DENND1A: variants seen among roughly 807,000 people sequenced by gnomAD.
DENND1A encodes DENN domain-containing protein 1A.
A neutral mutation model predicts 113.7 loss-of-function variants in DENND1A; 51 were observed. The observed-to-expected ratio is 0.45, with a 90% CI of 0.36 to 0.57. The LOEUF is 0.57. DENND1A is among the 20% of genes least tolerant of loss of function. The pLI, the probability that DENND1A is intolerant of heterozygous loss-of-function variation, is 0.00. For synonymous variants in DENND1A, 565 were observed against 570.8 expected (o/e 0.99, Z 0.14); for missense variants, 1,258 against 1,395.9 (o/e 0.90, Z 1.57).
intron 11 of DENND1A, among the ~76,000 whole-genome samples, chr9:123,600,058 G>GC (rs1245056184): frequency 6.6e-6 from 1 of 152,088 alleles, no homozygotes; most frequent in Non-Finnish European, 1.5e-5. Context: ...CAATGGCCCC[G>GC]CCCCTAATCA....
chr9:123,878,889 A>G, intron 2 of DENND1A, 62 bp downstream of exon 2: 4 of 1,521,492 alleles, frequency 2.6e-6, no homozygotes, highest in Non-Finnish European at 2.7e-6. Flanking sequence ...ATATTATCTC[A>G]CGTGCATAGC....
intron 13 of DENND1A, among the ~76,000 whole-genome samples, chr9:123,471,952 G>C (rs1476292796): frequency 6.6e-6 from 1 of 152,210 alleles, no homozygotes; most frequent in Non-Finnish European, 1.5e-5. Context: ...TGGGGATTCT[G>C]TACCGCCCAG....
At chr9:123,720,034 C>G (rs1472109719) in intron 5 of DENND1A, among the ~76,000 whole-genome samples, 1 of 152,218 alleles carries the variant, frequency 6.6e-6, no homozygotes, top group African/African-American at 2.4e-5. Flanking sequence ...GTACCGACCA[C>G]AAATCATAAA....
At chr9:123,738,774 G>A (rs79608160) in intron 5 of DENND1A, among the ~76,000 whole-genome samples, 107 of 152,298 alleles carry the variant, frequency 7.0e-4, no homozygotes, top group Non-Finnish European at 1.3e-3. Context: ...TCACTGGGTT[G>A]CCTGGGATTT....
At chr9:123,792,199 GTT>G (rs1564279560) in intron 3 of DENND1A, among the ~76,000 whole-genome samples, 1 of 152,110 alleles carries the variant, frequency 6.6e-6, no homozygotes, top group Admixed American at 6.5e-5. Flanking sequence ...TCCAGGAAAT[GTT>G]ATAAACTTCC....
At chr9:123,903,329 C>A (rs1405982059) in intron 1 of DENND1A, among the ~76,000 whole-genome samples, 2 of 54,520 alleles carry the variant, frequency 3.7e-5, no homozygotes, top group African/African-American at 1.9e-4. Flanking sequence ...GAGACTCCGT[C>A]TCAAAAAAAA....
intron 5 of DENND1A, among the ~76,000 whole-genome samples, chr9:123,745,667 C>T (rs1455229812): frequency 2.6e-5 from 4 of 152,232 alleles, no homozygotes; most frequent in African/African-American, 9.6e-5. Flanking sequence ...AGTCTATGTG[C>T]ACCAGTATAG....
intron 12 of DENND1A, among the ~76,000 whole-genome samples, chr9:123,577,507 C>T (rs751774128): frequency 3.2e-4 from 48 of 152,188 alleles, no homozygotes; most frequent in Admixed American, 5.2e-4. Flanking sequence ...ACATTTTCCT[C>T]ATTCTCAACA....
intron 10 of DENND1A, among the ~76,000 whole-genome samples, chr9:123,629,270 C>T (rs2061374348): frequency 6.6e-6 from 1 of 152,232 alleles, no homozygotes; most frequent in Non-Finnish European, 1.5e-5. Flanking sequence ...TCCTGAAGCT[C>T]TCAATATCCG....
intron 13 of DENND1A, among the ~76,000 whole-genome samples, chr9:123,465,545 A>C (rs1472495273): frequency 6.6e-6 from 1 of 152,182 alleles, no homozygotes; most frequent in East Asian, 1.9e-4. Flanking sequence ...GGTTGCTTTG[A>C]AGAGTAAAAC....
intron 1 of DENND1A, among the ~76,000 whole-genome samples, chr9:123,909,506 ACT>A (rs1400106699): frequency 1.3e-5 from 2 of 152,062 alleles, no homozygotes; most frequent in Non-Finnish European, 2.9e-5. Context: ...CATGACAAAA[ACT>A]CTCAGCAACG....
chr9:123,729,182 T>C (rs993012251), intron 5 of DENND1A, among the ~76,000 whole-genome samples: 2 of 152,168 alleles, frequency 1.3e-5, no homozygotes, highest in African/African-American at 2.4e-5. Context: ...ACTGGAAGCA[T>C]TCCCTTTGAA....
At chr9:123,897,570 G>A (rs7031453) in intron 1 of DENND1A, among the ~76,000 whole-genome samples, 5,794 of 152,208 alleles carry the variant, frequency 0.038, 115 homozygotes, top group Middle Eastern at 0.048. Flanking sequence ...TTAAATAAAG[G>A]GAGCCGCAGG....
At chr9:123,843,288 T>G (rs532467604) in intron 2 of DENND1A, 1 of 427,442 alleles carries the variant, frequency 2.3e-6, no homozygotes, top group Non-Finnish European at 4.7e-6. Flanking sequence ...AAATGCTGTA[T>G]CTACCTTCTT....
At chr9:123,821,427 A>G (rs1838443675) in intron 2 of DENND1A, among the ~76,000 whole-genome samples, 1 of 152,234 alleles carries the variant, frequency 6.6e-6, no homozygotes, top group South Asian at 2.1e-4. Context: ...TGTTCTAAGA[A>G]TACGACAGCA....
chr9:123,926,577 A>C (rs1857137679), intron 1 of DENND1A, among the ~76,000 whole-genome samples: 1 of 151,476 alleles, frequency 6.6e-6, no homozygotes. Context: ...CAAAAAAAAA[A>C]AAAAAAAAAA....
At chr9:123,498,627 C>T (rs1482348633) in intron 13 of DENND1A, among the ~76,000 whole-genome samples, 1 of 152,142 alleles carries the variant, frequency 6.6e-6, no homozygotes, top group Non-Finnish European at 1.5e-5. Flanking sequence ...AGAAGGGGCA[C>T]AGTAAAGATG....
chr9:123,707,376 A>G (rs1337833752), intron 5 of DENND1A, among the ~76,000 whole-genome samples: 3 of 151,902 alleles, frequency 2.0e-5, no homozygotes, highest in East Asian at 3.9e-4. Context: ...CCTGGGGAAC[A>G]AGAGCGTTAA....
chr9:123,736,198 ATG>A (rs1386777961), intron 5 of DENND1A, among the ~76,000 whole-genome samples: 1 of 152,212 alleles, frequency 6.6e-6, no homozygotes, highest in Non-Finnish European at 1.5e-5. Context: ...AAGTCAGTGT[ATG>A]AGAACACATG....
Sources: gnomAD v4.1 joint callset for allele counts (sites outside exome capture counted in the v4.1 genomes callset) on GRCh38, gnomAD v4.1.1 for gene constraint, MANE v1.5 for transcripts, NCBI Gene and HGNC (gene_info 2026-07-23, HGNC 2026-07-21) for gene names.